The following PPME1 variants were observed in gnomAD, a reference collection of about 807,000 sequenced individuals.
The protein encoded by PPME1 is protein phosphatase methylesterase 1, also known as testicular secretory protein Li 39.
A neutral mutation model predicts 56.9 loss-of-function variants in PPME1; 17 were observed. That is an observed-to-expected ratio of 0.30 (90% confidence interval 0.20 to 0.45). PPME1 has a LOEUF of 0.45. Among genes scored for constraint, PPME1 ranks in the 20% least tolerant of loss-of-function variants. PPME1 has a pLI of 1.00. For synonymous variants in PPME1, 122 were observed against 156.2 expected (o/e 0.78, Z 1.63); for missense variants, 357 against 483.2 (o/e 0.74, Z 2.45).
intron 3 of PPME1, among the ~76,000 whole-genome samples, chr11:74,209,455 A>G (rs1162361023): frequency 6.6e-6 from 1 of 152,128 alleles, no homozygotes; most frequent in Non-Finnish European, 1.5e-5. Context: ...CACATTAAGC[A>G]TATTTTAGGC....
At position 74,217,569 on chromosome 11, in the gene PPME1, AAG is replaced by A. The variant is rs1216608229; in HGVS notation, c.289-4741_289-4740del. On this transcript the variant is annotated intron_variant, in intron 3 of 13. Coordinates refer to ENST00000328257, the MANE Select transcript of PPME1 (RefSeq NM_016147.3). ...AAAAAAAAAAAAAAAAAAAAGGAAA[AAG>A]ATTATTCATTATGATCAAGTGGGAT... is the stretch of plus-strand genomic sequence containing the variant. Among the ~76,000 whole-genome samples the A allele has an allele frequency of 3.0e-3, 451 of 151,668 alleles. 2 individuals carry two copies. Among genetic ancestry groups the A allele is most frequent in the African/African-American group, 0.01 (421 of 41,300 alleles).
intron 3 of PPME1, among the ~76,000 whole-genome samples, chr11:74,206,762 T>A (rs1858337866): frequency 6.6e-6 from 1 of 152,150 alleles, no homozygotes; most frequent in Admixed American, 6.5e-5. Context: ...AGACAGGGTC[T>A]CACTGTGTTC....
intron 9 of PPME1, among the ~76,000 whole-genome samples, chr11:74,239,640 G>C (rs989631018): frequency 3.4e-5 from 5 of 148,062 alleles, no homozygotes; most frequent in African/African-American, 5.0e-5. Flanking sequence ...ACAATGGCGC[G>C]ATCTCGGCTC....
chr11:74,180,333 TC>T (rs1857499138), intron 1 of PPME1, among the ~76,000 whole-genome samples: 1 of 152,154 alleles, frequency 6.6e-6, no homozygotes, highest in Admixed American at 6.5e-5. Flanking sequence ...AGGAATTGTG[TC>T]TGAATTTTGC....
At chr11:74,239,726 G>A (rs1340048723) in intron 9 of PPME1, among the ~76,000 whole-genome samples, 7 of 151,798 alleles carry the variant, frequency 4.6e-5, no homozygotes, top group African/African-American at 1.7e-4. Context: ...ACAGGCGCCC[G>A]CCACCACACC....
chr11:74,249,873 G>A (rs1359933364), intron 11 of PPME1: 1 of 152,300 alleles, frequency 6.6e-6, no homozygotes, highest in Non-Finnish European at 1.5e-5. Context: ...CACCCAGAGA[G>A]AGGCAGCTTA....
At chr11:74,214,962 G>A (rs1858589761) in intron 3 of PPME1, among the ~76,000 whole-genome samples, 1 of 152,178 alleles carries the variant, frequency 6.6e-6, no homozygotes, top group Admixed American at 6.5e-5. Context: ...CATATCTTGA[G>A]TAGAAAGACT....
intron 3 of PPME1, among the ~76,000 whole-genome samples, chr11:74,213,687 T>G (rs1858541306): frequency 6.6e-6 from 1 of 152,246 alleles, no homozygotes; most frequent in African/African-American, 2.4e-5. Flanking sequence ...AGAATCTCTG[T>G]CTGGTAATCC....
At chr11:74,226,251 T>G (rs1858929392) in intron 5 of PPME1, among the ~76,000 whole-genome samples, 1 of 152,198 alleles carries the variant, frequency 6.6e-6, no homozygotes, top group Non-Finnish European at 1.5e-5. Context: ...AAATTAATCC[T>G]CATTATTAAC....
rs1300559244 is a variant in PPME1, at chr11:74,253,365, G to A, written c.1143-127G>A. On this transcript the variant is annotated intron_variant, in intron 13 of 13. Coordinates refer to ENST00000328257, the MANE Select transcript of PPME1 (RefSeq NM_016147.3). ...CCTGGGTCCAGCTCTGGTCAGGGCT[G>A]TGAAATGGGTCAGATTTGCCAGGGC... 4.3e-6 allele frequency: 4 copies of A among 938,710 alleles called. No homozygotes were observed. The African/African-American group carries it at 4.9e-5, about 11-fold the overall frequency. 58.1% of individuals were successfully genotyped at this position (938,710 alleles called of 1,614,324 possible). A position where few individuals can be genotyped will look rare whatever the true frequency, so the allele number is the denominator to read the frequency against.
chr11:74,228,101 G>A (rs1415024081), intron 5 of PPME1, among the ~76,000 whole-genome samples: 3 of 150,366 alleles, frequency 2.0e-5, no homozygotes, highest in African/African-American at 4.9e-5. Flanking sequence ...GAAATTACAT[G>A]TTGATATTTA....
chr11:74,214,746 A>G (rs1016662276), intron 3 of PPME1, among the ~76,000 whole-genome samples: 1 of 152,106 alleles, frequency 6.6e-6, no homozygotes, highest in Non-Finnish European at 1.5e-5. Context: ...TCCTTCAAAC[A>G]TGTAAAAGAA....
rs561258447 is a variant in PPME1 at position 74,191,610 on chromosome 11, C to T, written c.102-12118C>T. ...GGAGAGAATGGTTTCAGGGCCCAAG[C>T]CCAGGGCACTGCTGCCCTGCTCAGC... On this transcript the variant is annotated intron_variant, in intron 1 of 13. Coordinates refer to ENST00000328257, the MANE Select transcript of PPME1 (RefSeq NM_016147.3). Among the ~76,000 whole-genome samples the T allele has an allele frequency of 5.1e-4, 77 of 152,306 alleles. No homozygotes were observed. The South Asian group carries it at 0.016, about 31-fold the overall frequency.
intron 1 of PPME1, 84 bp from the exon 2 acceptor site, chr11:74,203,640 TACTG>T (rs1448612910): frequency 1.1e-6 from 1 of 899,382 alleles, no homozygotes; most frequent in African/African-American, 1.7e-5. Flanking sequence ...CTGTTTTCAT[TACTG>T]ACTTACATTT....
chr11:74,242,623 G>A (rs946274898), intron 9 of PPME1, among the ~76,000 whole-genome samples: 7 of 152,110 alleles, frequency 4.6e-5, no homozygotes, highest in African/African-American at 1.7e-4. Context: ...GCTCATGTCT[G>A]TAATCTCAGC....
At chr11:74,216,308 A>G (rs924605129) in intron 3 of PPME1, among the ~76,000 whole-genome samples, 7 of 152,350 alleles carry the variant, frequency 4.6e-5, no homozygotes, top group African/African-American at 1.7e-4. Context: ...TCTGACCACA[A>G]TGAAATAAAA....
At chr11:74,235,730 T>C (rs983260569) in intron 7 of PPME1, 171 bp from the exon 8 acceptor site, 3 of 1,064,308 alleles carry the variant, frequency 2.8e-6, no homozygotes, top group African/African-American at 3.2e-5. Flanking sequence ...TTTTTACTTA[T>C]AAAACCATGT....
At chr11:74,227,899 T>G (rs1218575265) in intron 5 of PPME1, among the ~76,000 whole-genome samples, 1 of 152,164 alleles carries the variant, frequency 6.6e-6, no homozygotes, top group South Asian at 2.1e-4. Context: ...TCAGACACGA[T>G]GTTCAGTTGG....
chr11:74,181,295 G>T (rs188314026), intron 1 of PPME1, among the ~76,000 whole-genome samples: 3 of 151,442 alleles, frequency 2.0e-5, no homozygotes, highest in East Asian at 3.9e-4. Context: ...TGATCCACCC[G>T]CCTCGGCCTC....
Sources: gnomAD v4.1 joint callset for allele counts (sites outside exome capture counted in the v4.1 genomes callset) on GRCh38, gnomAD v4.1.1 for gene constraint, MANE v1.5 for transcripts, NCBI Gene and HGNC (gene_info 2026-07-23, HGNC 2026-07-21) for gene names.